The following ZPR1 variants were observed in gnomAD, a reference collection of about 807,000 sequenced individuals.
ZPR1 encodes the protein ZPR1 zinc finger.
ZPR1 carries 37 observed loss-of-function variants against 59.6 expected under a neutral mutation model. The observed-to-expected ratio is 0.62, with a 90% CI of 0.48 to 0.82. The LOEUF (loss-of-function observed/expected upper bound fraction) is 0.82. ZPR1 is among the 40% of genes least tolerant of loss of function. The pLI is 0.00. For missense variants in ZPR1, 527 were observed against 579.9 expected, an observed-to-expected ratio of 0.91 and a Z score of 0.94; for synonymous variants, 191 against 215.2, an observed-to-expected ratio of 0.89 and a Z score of 0.99.
chr11:116,779,791 G>A lies in ZPR1; in HGVS notation c.1226C>T (p.Ala409Val). ...CTATACCTGCAAGTAACTGTTTCCT[G>A]CTGGATCATCCATAATAAAGTGGGC... is the stretch of plus-strand genomic sequence containing the variant. ...MKAHFIMDDP[A>V]GNSYLQNVYA... Residue 409 changes from alanine (A) to valine (V), a missense_variant, in exon 13 of 14, where the codon GCA (alanine) becomes GTA (valine). Physicochemically the swap from Ala to Val is moderately conservative, Grantham distance 64. Transcript: ENST00000227322. 1.3e-6 allele frequency: 2 copies of A among 1,596,068 alleles called. No homozygotes were observed. The highest frequency in any genetic ancestry group is 1.7e-6 in the Non-Finnish European group (2 of 1,169,506).
intron 8 of ZPR1, 81 bp downstream of exon 8, chr11:116,784,774 T>G: frequency 7.0e-7 from 1 of 1,425,328 alleles, no homozygotes; most frequent in East Asian, 2.3e-5. Flanking sequence ...GTGTTTTCCT[T>G]GAAAGGGATG....
chr11:116,786,874 C>G, intron 3 of ZPR1, 95 bp downstream of exon 3: 1 of 1,019,720 alleles, frequency 9.8e-7, no homozygotes, highest in Non-Finnish European at 1.5e-6. Context: ...AACCCATACA[C>G]AAACCACTAG....
intron 12 of ZPR1, 113 bp from the exon 13 acceptor site, chr11:116,779,950 C>G: frequency 1.8e-6 from 1 of 566,974 alleles, no homozygotes; most frequent in Non-Finnish European, 3.2e-6. Context: ...ATGTAAATGA[C>G]TAGTTAATGG....
chr11:116,785,118 T>C lies in ZPR1; in HGVS notation c.734A>G (p.Glu245Gly). ...ACTCACTTCATTTCTGAGATCTTCC[T>C]CTTCTGGCTTCTCTGCTGGTGCTTC... ...QEEAPAEKPE[E>G]EDLRNEVLQF... Residue 245 changes from glutamate to glycine, a missense_variant, in exon 7 of 14, where the codon GAG becomes GGG. By Grantham distance (98) the Glu-to-Gly change is moderately conservative. Transcript: ENST00000227322. 1.2e-6 allele frequency: 2 copies of C among 1,614,154 alleles called. No homozygotes were observed. Among genetic ancestry groups the C allele is most frequent in the Non-Finnish European group, 1.7e-6 (2 of 1,180,032 alleles).
In ZPR1 at chr11:116,787,950, G is replaced by T; in HGVS notation, c.41C>A (p.Ala14Asp). Residue 14 changes from alanine to aspartate, a missense_variant, in exon 1 of 14, where the codon GCT becomes GAT. By Grantham distance (126) the Ala-to-Asp change is moderately radical. Coordinates refer to ENST00000227322, the MANE Select transcript of ZPR1 (RefSeq NM_003904.5). ...CGGGGCGGGCGACGGGGCGACGGCA[G>T]CCCCCGGGGGCCCTGGTTCCACAGC... ...SGAVEPGPPG[A>D]AVAPSPAPAP... 6.9e-7 allele frequency: 1 copy of T among 1,455,800 alleles called. No homozygotes were observed. The highest frequency in any genetic ancestry group is 9.0e-7 in the Non-Finnish European group (1 of 1,113,776). The allele number at this position is 1,455,800 out of a possible 1,614,324, so 90.2% of individuals were successfully genotyped here. A position where few individuals can be genotyped will look rare whatever the true frequency, so the allele number is the denominator to read the frequency against.
chr11:116,788,011 A>G lies in ZPR1; in HGVS notation c.-21T>C. 1.4e-6 allele frequency: 2 copies of G among 1,400,294 alleles called. No homozygotes were observed. Among genetic ancestry groups the G allele is most frequent in the Non-Finnish European group, 1.8e-6 (2 of 1,084,794 alleles). The allele number at this position is 1,400,294 out of a possible 1,614,324, so 86.7% of individuals were successfully genotyped here. A position where few individuals can be genotyped will look rare whatever the true frequency, so the allele number is the denominator to read the frequency against. Reference sequence around the variant, plus strand: ...GCCATGGCCACCACGCGCAATTCAGACCTCGGCTTCCTACTTCCGCCGCTC... The same window carrying G: ...GCCATGGCCACCACGCGCAATTCAGGCCTCGGCTTCCTACTTCCGCCGCTC... On this transcript the variant is annotated 5_prime_UTR_variant, in exon 1 of 14. Coordinates refer to ENST00000227322, the MANE Select transcript of ZPR1 (RefSeq NM_003904.5).
chr11:116,775,456 C>CAA lies in ZPR1; in HGVS notation c.*3467_*3468dup, dbSNP rs556748837. 1.5e-4 allele frequency: 10 copies of CAA among 67,996 alleles called. No homozygotes were observed. In the South Asian group the frequency reaches 2.3e-3, roughly 16 times the overall value. The allele number at this position is 67,996 out of a possible 1,614,324, so 4.2% of individuals were successfully genotyped here. ...CTGGGTGACAGAGCAAGACTGTCTC[C>CAA]AAAAAAAAAAAAAAAAAAAAAATTA... is the stretch of plus-strand genomic sequence containing the variant. On this transcript the variant is annotated 3_prime_UTR_variant, in exon 14 of 14. Coordinates refer to ENST00000227322, the MANE Select transcript of ZPR1 (RefSeq NM_003904.5).
At chr11:116,785,022 AG>A (rs1463843837) in intron 7 of ZPR1, 76 bp downstream of exon 7, 1 of 1,608,158 alleles carries the variant, frequency 6.2e-7, no homozygotes, top group East Asian at 2.2e-5. Flanking sequence ...GTTGGTGACA[AG>A]GAAGACAGAT....
At chr11:116,783,412 G>A (rs1026414781) in intron 10 of ZPR1, 118 bp downstream of exon 10, 3 of 864,176 alleles carry the variant, frequency 3.5e-6, no homozygotes, top group African/African-American at 3.4e-5. Flanking sequence ...CTCAAAGCCA[G>A]GGAAGTAGGA....
intron 12 of ZPR1, 21 bp downstream of exon 12, chr11:116,782,137 G>C (rs760618438): frequency 6.2e-7 from 1 of 1,603,666 alleles, no homozygotes; most frequent in Admixed American, 1.7e-5. Context: ...TCTAAGTACT[G>C]ACTGGCCAGT....
chr11:116,783,101 T>C, intron 10 of ZPR1, 72 bp from the exon 11 acceptor site: 4 of 1,132,934 alleles, frequency 3.5e-6, no homozygotes, highest in Non-Finnish European at 5.3e-6. Flanking sequence ...TCCTGCCCAA[T>C]TAATACCAGC....
intron 9 of ZPR1, 131 bp downstream of exon 9, chr11:116,784,247 T>C (rs1940852542): frequency 2.4e-6 from 2 of 850,198 alleles, no homozygotes; most frequent in Non-Finnish European, 3.9e-6. Context: ...CACCCTGCAC[T>C]AGACCTAAGA....
intron 12 of ZPR1, among the ~76,000 whole-genome samples, 167 bp from the exon 13 acceptor site, chr11:116,780,004 C>T (rs1824528053): frequency 1.3e-5 from 2 of 151,598 alleles, no homozygotes; most frequent in Admixed American, 1.3e-4. Context: ...TGTAACAAAC[C>T]TGCACGTTGT....
In ZPR1 at chr11:116,786,660, A is replaced by G. The variant is rs1478965431; in HGVS notation, c.425-79T>C. 1.1e-5 allele frequency: 13 copies of G among 1,236,768 alleles called. No homozygotes were observed. The East Asian group carries it at 2.9e-4, about 28-fold the overall frequency. The allele number at this position is 1,236,768 out of a possible 1,614,324, so 76.6% of individuals were successfully genotyped here. The stretch of plus-strand genomic sequence containing the variant: ...GTCCCTGTATGACCCTGGGCAATTC[A>G]CTTGAACTCTCTGGGTCTTAATTTC... On this transcript the variant is annotated intron_variant, in intron 3 of 13. Transcript: ENST00000227322.
chr11:116,785,188 C>T (rs754378971), intron 6 of ZPR1, 42 bp from the exon 7 acceptor site: 6 of 1,609,580 alleles, frequency 3.7e-6, no homozygotes, highest in East Asian at 4.5e-5. Flanking sequence ...GCAGGTATAC[C>T]TCAGTGTCCC....
rs1041165287 is a variant in ZPR1, at chr11:116,778,812, A to C, written c.*113T>G. The C allele has an allele frequency of 4.3e-6, 6 of 1,383,716 alleles. No individual in the cohort carries two copies. Among genetic ancestry groups the C allele is most frequent in the Non-Finnish European group, 5.8e-6 (6 of 1,030,972 alleles). The allele number at this position is 1,383,716 out of a possible 1,614,324, so 85.7% of individuals were successfully genotyped here. On this transcript the variant is annotated 3_prime_UTR_variant, in exon 14 of 14. Transcript: ENST00000227322. ...CTGACTCAGACCAGATGTCCTCCCCACCATGGGCAAGGGCTGGTGGGAAAG... is the reference window on the plus strand; with the variant it reads ...CTGACTCAGACCAGATGTCCTCCCCCCCATGGGCAAGGGCTGGTGGGAAAG...
intron 11 of ZPR1, among the ~76,000 whole-genome samples, 200 bp from the exon 12 acceptor site, chr11:116,782,444 A>G (rs1940822262): frequency 6.6e-6 from 1 of 152,250 alleles, no homozygotes; most frequent in African/African-American, 2.4e-5. Flanking sequence ...CTGGCAATGT[A>G]AAACAAAATC....
chr11:116,778,730 G>T lies in ZPR1; in HGVS notation c.*195C>A. 1 of 689,908 alleles carries T rather than the reference G, an allele frequency of 1.4e-6. No individual in the cohort carries two copies. The highest frequency in any genetic ancestry group is 2.3e-6 in the Non-Finnish European group (1 of 439,144). 42.7% of individuals were successfully genotyped at this position (689,908 alleles called of 1,614,324 possible). ...TTCAAAACTTCCAAAATAAGGTCAA[G>T]TAACACAATAGGCTCACACTTGCAT... On this transcript the variant is annotated 3_prime_UTR_variant, in exon 14 of 14. Transcript: ENST00000227322.
At chr11:116,779,947 T>C in intron 12 of ZPR1, 110 bp from the exon 13 acceptor site, 1 of 562,324 alleles carries the variant, frequency 1.8e-6, no homozygotes. Flanking sequence ...CTAATGTAAA[T>C]GACTAGTTAA....
Sources: allele counts gnomAD v4.1 joint callset (sites outside exome capture counted in the v4.1 genomes callset), GRCh38; gene constraint gnomAD v4.1.1; transcripts MANE v1.5; gene names NCBI Gene and HGNC (gene_info 2026-07-23, HGNC 2026-07-21).